The following RCAN2 variants were observed in gnomAD, a reference collection of about 807,000 sequenced individuals.
RCAN2 encodes calcipressin-2.
Under a neutral mutation model 23.6 loss-of-function variants are expected in RCAN2, and 9 were observed. That is an observed-to-expected ratio of 0.38 (90% CI 0.23 to 0.67). The LOEUF is 0.67. RCAN2 is among the 30% of genes least tolerant of loss of function. The probability of loss-of-function intolerance (pLI) is 0.51; values close to 1 mark genes in which losing one functional copy is unlikely to be tolerated. For synonymous variants in RCAN2, 109 were observed against 115.7 expected, an observed-to-expected ratio of 0.94 and a Z score of 0.37; for missense variants, 273 against 302.3, an observed-to-expected ratio of 0.90 and a Z score of 0.72.
intron 1 of RCAN2, among the ~76,000 whole-genome samples, chr6:46,467,950 G>A (rs1274988432): frequency 1.3e-5 from 2 of 152,286 alleles, no homozygotes; most frequent in African/African-American, 4.8e-5. Context: ...AGTAGTGGCT[G>A]GCCCTGGAGT....
chr6:46,365,556 G>A (rs780374849), intron 2 of RCAN2, among the ~76,000 whole-genome samples: 9 of 152,086 alleles, frequency 5.9e-5, no homozygotes, highest in Admixed American at 6.5e-5. Flanking sequence ...CACAAAACCA[G>A]TCCCTGGTGC....
rs369683514 is a variant in RCAN2, at chr6:46,243,683, G to A, written c.571+3065C>T. On this transcript the variant is annotated intron_variant, in intron 4 of 4. Coordinates refer to ENST00000371374, the MANE Select transcript of RCAN2 (RefSeq NM_001251974.2). ...AAATTAGCCAGGTGTGGTGGCATGC[G>A]CCTGTAGTCCCAGCTGCTCAGGAAG... Among the ~76,000 whole-genome samples the A allele has an allele frequency of 1.6e-3, 246 of 151,918 alleles. 4 individuals are homozygous for A. The South Asian group carries it at 0.04, about 25-fold the overall frequency.
chr6:46,264,637 G>A (rs1304913105), intron 2 of RCAN2, among the ~76,000 whole-genome samples: 1 of 152,134 alleles, frequency 6.6e-6, no homozygotes, highest in Non-Finnish European at 1.5e-5. Flanking sequence ...CACAGATTCA[G>A]GACACAAGAG....
At position 46,235,894 on chromosome 6, in the gene RCAN2, C is replaced by T. The variant is rs185490433; in HGVS notation, c.571+10854G>A. On this transcript the variant is annotated intron_variant, in intron 4 of 4. Transcript: ENST00000371374. ...CACCTAAGACAACAGTTGGAGAGAT[C>T]ACCTTATCACATATGAGTAATGTGA... Among the ~76,000 whole-genome samples the T allele has an allele frequency of 7.2e-5, 11 of 152,298 alleles. No individual in the cohort carries two copies. The East Asian group carries it at 2.1e-3, about 29-fold the overall frequency.
intron 2 of RCAN2, among the ~76,000 whole-genome samples, chr6:46,427,167 AT>A (rs1767054327): frequency 6.6e-6 from 1 of 152,224 alleles, no homozygotes; most frequent in Non-Finnish European, 1.5e-5. Flanking sequence ...GTAAAACAAA[AT>A]TTTAGGAAAA....
intron 2 of RCAN2, among the ~76,000 whole-genome samples, chr6:46,262,858 G>T (rs759887645): frequency 3.9e-5 from 6 of 152,014 alleles, no homozygotes; most frequent in Admixed American, 1.3e-4. Context: ...CCTTTCTTCC[G>T]CCAGTAACAG....
At chr6:46,458,375 AT>A (rs968879246) in intron 1 of RCAN2, among the ~76,000 whole-genome samples, 6 of 152,176 alleles carry the variant, frequency 3.9e-5, no homozygotes, top group African/African-American at 7.2e-5. Context: ...GGTAAGCAGC[AT>A]TTTCTGGCAA....
At chr6:46,441,513 A>G (rs955053911) in intron 2 of RCAN2, among the ~76,000 whole-genome samples, 4 of 152,226 alleles carry the variant, frequency 2.6e-5, no homozygotes, top group Non-Finnish European at 5.9e-5. Flanking sequence ...ATTATACTAA[A>G]TAATTTGGAG....
At chr6:46,243,816 A>AG (rs1766404389) in intron 4 of RCAN2, among the ~76,000 whole-genome samples, 1 of 150,346 alleles carries the variant, frequency 6.7e-6, no homozygotes, top group Non-Finnish European at 1.5e-5. Flanking sequence ...TCTCAAAAAA[A>AG]AAAAAAAAAA....
rs1456848542 is a variant in RCAN2, at chr6:46,222,413, G to A, written c.*728C>T. 6.4e-6 allele frequency: 1 copy of A among 155,040 alleles called. No homozygotes were observed. The highest frequency in any genetic ancestry group is 2.1e-4 in the South Asian group (1 of 4,842). The allele number at this position is 155,040 out of a possible 1,614,324, so 9.6% of individuals were successfully genotyped here. A position where few individuals can be genotyped will look rare whatever the true frequency, so the allele number is the denominator to read the frequency against. ...ATCACCCTGGACAAGCCTCCCCAAC[G>A]AGGCTGGGAGAGTTCTACAGGGGAG... On this transcript the variant is annotated 3_prime_UTR_variant, in exon 5 of 5. Coordinates refer to ENST00000371374, the MANE Select transcript of RCAN2 (RefSeq NM_001251974.2).
At position 46,222,033 on chromosome 6, in the gene RCAN2, A is replaced by C. The variant is rs1196339599; in HGVS notation, c.*1108T>G. 2 of 398,424 alleles carry C rather than the reference A, an allele frequency of 5.0e-6. No individual in the cohort carries two copies. Among genetic ancestry groups the C allele is most frequent in the African/African-American group, 2.1e-5 (1 of 48,632 alleles). The allele number at this position is 398,424 out of a possible 1,614,324, so 24.7% of individuals were successfully genotyped here. On this transcript the variant is annotated 3_prime_UTR_variant, in exon 5 of 5. Transcript: ENST00000371374. The stretch of plus-strand genomic sequence containing the variant: ...CATTCTGGGGATTTAGCTTCATCCC[A>C]ATAATCTACAACTGACACTTGCATC...
At chr6:46,292,414 A>G (rs1554130812) in intron 2 of RCAN2, among the ~76,000 whole-genome samples, 1 of 145,098 alleles carries the variant, frequency 6.9e-6, no homozygotes, top group East Asian at 2.0e-4. Context: ...TATTCTTGGG[A>G]GTTGATTTGT....
chr6:46,339,882 A>G (rs6910987), intron 2 of RCAN2, among the ~76,000 whole-genome samples: 63,763 of 151,612 alleles, frequency 0.42, 14,796 homozygotes, highest in East Asian at 0.6. Flanking sequence ...GGAATTTATT[A>G]GGCTACCTCA....
intron 2 of RCAN2, among the ~76,000 whole-genome samples, chr6:46,435,166 G>T (rs1318768618): frequency 1.3e-5 from 2 of 152,154 alleles, no homozygotes; most frequent in South Asian, 4.1e-4. Flanking sequence ...AGGTTACCAT[G>T]TATGCTATTG....
chr6:46,401,916 G>A (rs902467193), intron 2 of RCAN2, among the ~76,000 whole-genome samples: 5 of 152,092 alleles, frequency 3.3e-5, no homozygotes, highest in Non-Finnish European at 7.3e-5. Context: ...TGAAAGACAG[G>A]GCAGAGGCTC....
In RCAN2 at chr6:46,343,411, T is replaced by C. The variant is rs1245803861; in HGVS notation, c.226-94515A>G. Among the ~76,000 whole-genome samples, 3 of 146,912 alleles carry C rather than the reference T, an allele frequency of 2.0e-5. No homozygotes were observed. The East Asian group carries it at 6.2e-4, about 30-fold the overall frequency. ...TTTTTTTTGAGACAGAGTCTCGCTC[T>C]GTCGCCCAGGCTGGAGTGCAGTGGC... On this transcript the variant is annotated intron_variant, in intron 2 of 4. Transcript: ENST00000371374.
At chr6:46,461,140 C>T (rs1253657754) in intron 1 of RCAN2, among the ~76,000 whole-genome samples, 2 of 152,082 alleles carry the variant, frequency 1.3e-5, no homozygotes, top group African/African-American at 4.8e-5. Context: ...AAAACTCCTG[C>T]TAACATTTTG....
intron 2 of RCAN2, among the ~76,000 whole-genome samples, chr6:46,253,560 A>C (rs1766803757): frequency 6.6e-6 from 1 of 152,234 alleles, no homozygotes; most frequent in Non-Finnish European, 1.5e-5. Context: ...AGAATATTAC[A>C]AAGGTATGTG....
chr6:46,353,995 G>A (rs959464628), intron 2 of RCAN2, among the ~76,000 whole-genome samples: 1 of 152,050 alleles, frequency 6.6e-6, no homozygotes, highest in African/African-American at 2.4e-5. Flanking sequence ...ACTTTCTCGG[G>A]TATGGCAGAC....
Sources: allele counts gnomAD v4.1 joint callset (sites outside exome capture counted in the v4.1 genomes callset), GRCh38; gene constraint gnomAD v4.1.1; transcripts MANE v1.5; gene names NCBI Gene and HGNC (gene_info 2026-07-23, HGNC 2026-07-21).